The following HDAC8 variants were observed in gnomAD, a reference collection of about 807,000 sequenced individuals.
HDAC8 encodes the protein histone deacetylase 8, also known as histone deacetylase-like 1.
A neutral mutation model predicts 32.2 loss-of-function variants in HDAC8; 1 was observed. The observed-to-expected ratio is 0.03, with a 90% CI of 0.01 to 0.15. The LOEUF (loss-of-function observed/expected upper bound fraction) is 0.15. Ranked by LOEUF, HDAC8 falls within the 10% of genes least tolerant of loss-of-function variation. The pLI is 1.00. For synonymous variants in HDAC8, 108 were observed against 113.9 expected (o/e 0.95, Z 0.33); for missense variants, 117 against 300.0 (o/e 0.39, Z 4.51).
Position 72,329,687 on chromosome X carries a change from T to C in HDAC8, c.*367A>G, listed in dbSNP as rs782389729. 1.7e-6 allele frequency: 2 copies of C among 1,189,683 alleles called. No homozygotes were observed. The highest frequency in any genetic ancestry group is 2.3e-6 in the Non-Finnish European group (2 of 884,196). ...GTCAGCTGCCTCCTGCCCTACAAAC[T>C]GGTGACTGCTCTCATCCAGCTTCTG... On this transcript the variant is annotated 3_prime_UTR_variant, in exon 11 of 11. Transcript: ENST00000373573.
At chrX:72,426,529 A>G (rs782425442) in intron 9 of HDAC8, among the ~76,000 whole-genome samples, 2 of 112,437 alleles carry the variant, frequency 1.8e-5, no homozygotes, top group Non-Finnish European at 3.8e-5. Context: ...TTGGTTTTTA[A>G]CAATGCCTAG....
intron 9 of HDAC8, among the ~76,000 whole-genome samples, chrX:72,421,725 C>T (rs1304048077): frequency 9.0e-6 from 1 of 111,729 alleles, no homozygotes; most frequent in Admixed American, 9.5e-5. Context: ...TTTATGTTTG[C>T]CCATGTAGAT....
chrX:72,497,837 A>T (rs1421972929), intron 4 of HDAC8, among the ~76,000 whole-genome samples: 2 of 112,019 alleles, frequency 1.8e-5, no homozygotes, highest in African/African-American at 6.5e-5. Context: ...TTCATTACAT[A>T]CCTAGACCAT....
At position 72,495,206 on chromosome X, in the gene HDAC8, C is replaced by G. The variant is rs1308079591; in HGVS notation, c.500G>C (p.Arg167Pro). Residue 167 changes from arginine (R) to proline (P), a missense_variant, in exon 5 of 11, where the codon CGG becomes CCG. Physicochemically the swap from Arg to Pro is moderately radical, Grantham distance 103 (BLOSUM62 -2). This residue lies in a region of HDAC8 where 57 missense variants were observed against 182.0 expected (regional missense o/e 0.31). Coordinates refer to ENST00000373573, the MANE Select transcript of HDAC8 (RefSeq NM_018486.3). ...DAVLGILRLR[R>P]KFERILYVDL... ...CACGTAGAGAATACGCTCAAATTTC[C>G]GTCGCAATCGTAATATTCCCAGGAC... The G allele has an allele frequency of 5.8e-6, 7 of 1,206,743 alleles. No homozygotes were observed. Among genetic ancestry groups the G allele is most frequent in the Non-Finnish European group, 7.8e-6 (7 of 892,947 alleles).
At chrX:72,472,193 A>G (rs1555998168) in intron 7 of HDAC8, among the ~76,000 whole-genome samples, 1 of 104,611 alleles carries the variant, frequency 9.6e-6, no homozygotes, top group African/African-American at 3.5e-5. Flanking sequence ...TCAGCCTCCC[A>G]AGTAGCTGGG....
chrX:72,357,559 G>C (rs2044406430), intron 9 of HDAC8, among the ~76,000 whole-genome samples: 1 of 110,838 alleles, frequency 9.0e-6, no homozygotes, highest in Admixed American at 9.5e-5. Flanking sequence ...GAGGCTGAAA[G>C]GTGTCTTCTG....
chrX:72,372,585 G>C, intron 9 of HDAC8, among the ~76,000 whole-genome samples: 2 of 111,258 alleles, frequency 1.8e-5, no homozygotes, highest in Middle Eastern at 4.6e-3. Flanking sequence ...TATGTGCTTA[G>C]ATACCAAAAG....
At chrX:72,340,152 C>T (rs1312233468) in intron 10 of HDAC8, among the ~76,000 whole-genome samples, 1 of 111,835 alleles carries the variant, frequency 8.9e-6, no homozygotes, top group Non-Finnish European at 1.9e-5. Context: ...TTTTTTCTCC[C>T]CTCCTGTGCC....
At chrX:72,452,109 C>T (rs1555987641) in intron 9 of HDAC8, among the ~76,000 whole-genome samples, 1 of 112,587 alleles carries the variant, frequency 8.9e-6, no homozygotes, top group East Asian at 2.8e-4. Flanking sequence ...TACAACTTCA[C>T]AAGAGTAGTC....
intron 10 of HDAC8, among the ~76,000 whole-genome samples, chrX:72,347,010 G>T (rs1555947160): frequency 1.8e-5 from 2 of 111,184 alleles, no homozygotes; most frequent in African/African-American, 6.6e-5. Context: ...GGAAATAAAG[G>T]TCAAACAGCC....
At chrX:72,461,721 A>G (rs782433756) in intron 9 of HDAC8, among the ~76,000 whole-genome samples, 9 of 111,877 alleles carry the variant, frequency 8.0e-5, no homozygotes, top group African/African-American at 2.6e-4. Flanking sequence ...CACATATTCC[A>G]AAGAATTCTT....
chrX:72,427,425 T>G (rs982386354), intron 9 of HDAC8, among the ~76,000 whole-genome samples: 4 of 110,311 alleles, frequency 3.6e-5, no homozygotes, highest in Non-Finnish European at 7.6e-5. Flanking sequence ...CCATAAAAAA[T>G]GATGAATTCA....
At chrX:72,364,291 T>C (rs1555953616) in intron 9 of HDAC8, among the ~76,000 whole-genome samples, 1 of 111,379 alleles carries the variant, frequency 9.0e-6, no homozygotes, top group Non-Finnish European at 1.9e-5. Context: ...GTCTCTGAAA[T>C]GTAGGTGCCC....
At chrX:72,416,595 C>T (rs2046351533) in intron 9 of HDAC8, among the ~76,000 whole-genome samples, 1 of 103,377 alleles carries the variant, frequency 9.7e-6, no homozygotes, top group African/African-American at 3.5e-5. Flanking sequence ...TTTTATTTTG[C>T]CCTTCTTTTT....
chrX:72,442,197 G>A (rs781817074), intron 9 of HDAC8, among the ~76,000 whole-genome samples: 10 of 110,499 alleles, frequency 9.0e-5, no homozygotes, highest in African/African-American at 2.3e-4. Context: ...CCACAAAGAT[G>A]CTCCTCGAGA....
rs1018732480 is a variant in HDAC8, at chrX:72,391,000, C to T, written c.1006-39162G>A. On this transcript the variant is annotated intron_variant, in intron 9 of 10. Coordinates refer to ENST00000373573, the MANE Select transcript of HDAC8 (RefSeq NM_018486.3). ...ATATTTTGCTGTCAAGGCTGTTCAG[C>T]ACAGACAACTCATATCTTTATTATT... is the stretch of plus-strand genomic sequence containing the variant. Among the ~76,000 whole-genome samples, 9 of 111,952 alleles carry T rather than the reference C, an allele frequency of 8.0e-5. No individual in the cohort carries two copies. The Admixed American group carries it at 8.5e-4, about 11-fold the overall frequency.
chrX:72,329,797 T>C lies in HDAC8; in HGVS notation c.*257A>G, dbSNP rs1160198346. 61 of 1,084,755 alleles carry C rather than the reference T, an allele frequency of 5.6e-5. No homozygotes were observed. In the Middle Eastern group the frequency reaches 7.3e-4, roughly 13 times the overall value. The allele number at this position is 1,084,755 out of a possible 1,213,427, so 89.4% of individuals were successfully genotyped here. A position where few individuals can be genotyped will look rare whatever the true frequency, so the allele number is the denominator to read the frequency against. Reference sequence around the variant, plus strand: ...TCAAAGATTAAAAATTTCATTTGTGTGTGTGTGTTTTTTTAAATAAGAACT... The same window carrying C: ...TCAAAGATTAAAAATTTCATTTGTGCGTGTGTGTTTTTTTAAATAAGAACT... On this transcript the variant is annotated 3_prime_UTR_variant, in exon 11 of 11. Coordinates refer to ENST00000373573, the MANE Select transcript of HDAC8 (RefSeq NM_018486.3).
At chrX:72,389,162 C>G (rs1195625465) in intron 9 of HDAC8, among the ~76,000 whole-genome samples, 1 of 111,375 alleles carries the variant, frequency 9.0e-6, no homozygotes, top group Non-Finnish European at 1.9e-5. Context: ...GCACCTAAAC[C>G]AAGTCAGGCA....
chrX:72,556,056 G>T (rs1417075916), intron 4 of HDAC8, among the ~76,000 whole-genome samples: 2 of 111,920 alleles, frequency 1.8e-5, no homozygotes, highest in African/African-American at 6.5e-5. Context: ...AGATTTCTCA[G>T]CAGAAACCTT....
Sources: allele counts gnomAD v4.1 joint callset (sites outside exome capture counted in the v4.1 genomes callset), GRCh38; gene constraint gnomAD v4.1.1; regional missense constraint gnomAD v4.1.1; transcripts MANE v1.5; gene names NCBI Gene and HGNC (gene_info 2026-07-23, HGNC 2026-07-21).